GABPA: variants seen among roughly 807,000 people sequenced by gnomAD.
GABPA encodes the protein GA binding protein transcription factor subunit alpha.
Under a neutral mutation model 59.4 loss-of-function variants are expected in GABPA, and 4 were observed. The observed-to-expected ratio is 0.07, with a 90% CI of 0.03 to 0.15. The LOEUF is 0.15. Ranked by LOEUF, GABPA falls within the 10% of genes least tolerant of loss-of-function variation. The probability of loss-of-function intolerance (pLI) is 1.00; values close to 1 mark genes in which losing one functional copy is unlikely to be tolerated. For synonymous variants in GABPA, 164 were observed against 183.1 expected, an observed-to-expected ratio of 0.90 and a Z score of 0.84; for missense variants, 251 against 543.8, an observed-to-expected ratio of 0.46 and a Z score of 5.36.
chr21:25,762,817 GCCAAGTTAAAATA>G, intron 7 of GABPA: 1 of 182,634 alleles, frequency 5.5e-6, no homozygotes, highest in Admixed American at 6.1e-5. Context: ...AAGAAAAAAG[GCCAAGTTAAAATA>G]GGAAAACAAA....
intron 9 of GABPA, 87 bp from the exon 10 acceptor site, chr21:25,768,917 A>G: frequency 1.2e-6 from 1 of 818,296 alleles, no homozygotes; most frequent in South Asian, 1.6e-5. Flanking sequence ...GTACTCTACT[A>G]GGCTTCTGCT....
intron 9 of GABPA, among the ~76,000 whole-genome samples, chr21:25,767,031 G>A (rs531767760): frequency 2.5e-4 from 38 of 152,044 alleles, no homozygotes; most frequent in Middle Eastern, 3.4e-3. Flanking sequence ...ACCAAATTCT[G>A]TATGATTACA....
At chr21:25,752,395 G>A in intron 5 of GABPA, 161 bp downstream of exon 5, 1 of 801,766 alleles carries the variant, frequency 1.2e-6, no homozygotes, top group Non-Finnish European at 1.9e-6. Context: ...TTAAGCTCAT[G>A]TGGTGGACAA....
chr21:25,756,352 T>C (rs777625734), intron 5 of GABPA, among the ~76,000 whole-genome samples: 40 of 152,220 alleles, frequency 2.6e-4, no homozygotes, highest in Admixed American at 2.6e-4. Context: ...TGTCGACTTT[T>C]ACCTGGGCCT....
At position 25,769,366 on chromosome 21, in the gene GABPA, T is replaced by C; in HGVS notation, c.*134T>C. 1.7e-6 allele frequency: 1 copy of C among 586,328 alleles called. No individual in the cohort carries two copies. The highest frequency in any genetic ancestry group is 3.1e-6 in the Non-Finnish European group (1 of 325,932). 36.3% of individuals were successfully genotyped at this position (586,328 alleles called of 1,614,324 possible). A position where few individuals can be genotyped will look rare whatever the true frequency, so the allele number is the denominator to read the frequency against. ...GTCTGATGCATGATTTTTTTATAAA[T>C]ATTTCATACTCTTGTGAATTTGGAT... On this transcript the variant is annotated 3_prime_UTR_variant, in exon 10 of 10. Coordinates refer to ENST00000400075, the MANE Select transcript of GABPA (RefSeq NM_002040.4).
chr21:25,763,278 C>T lies in GABPA; in HGVS notation c.802+913C>T, dbSNP rs898700811. ...TGCTGAGCTCTTTTGGGGCATTTTT[C>T]CCCCCTTTTCAGCATGCATCTTTCT... On this transcript the variant is annotated intron_variant, in intron 7 of 9. Coordinates refer to ENST00000400075, the MANE Select transcript of GABPA (RefSeq NM_002040.4). The T allele has an allele frequency of 1.7e-5, 6 of 362,592 alleles. No individual in the cohort carries two copies. The East Asian group carries it at 2.9e-4, about 17-fold the overall frequency. The allele number at this position is 362,592 out of a possible 1,614,324, so 22.5% of individuals were successfully genotyped here.
chr21:25,745,484 T>G, intron 3 of GABPA, 130 bp downstream of exon 3: 1 of 761,780 alleles, frequency 1.3e-6, no homozygotes, highest in Non-Finnish European at 2.0e-6. Context: ...CTGTAAAATT[T>G]AAGTGTTTAG....
chr21:25,738,226 C>T (rs2035130947), intron 1 of GABPA, among the ~76,000 whole-genome samples: 1 of 152,188 alleles, frequency 6.6e-6, no homozygotes, highest in Non-Finnish European at 1.5e-5. Flanking sequence ...CCGCCGCCGC[C>T]CCCTGCCCCC....
intron 6 of GABPA, among the ~76,000 whole-genome samples, chr21:25,761,678 A>G (rs1158771314): frequency 6.6e-6 from 1 of 152,222 alleles, no homozygotes; most frequent in East Asian, 1.9e-4. Flanking sequence ...AAAGAATAAC[A>G]TCTAAGTAGG....
intron 5 of GABPA, 133 bp from the exon 6 acceptor site, chr21:25,757,877 C>G: frequency 4.6e-5 from 7 of 150,702 alleles, no homozygotes; most frequent in South Asian, 2.7e-4. Context: ...TTTTTTGCTT[C>G]ATATAGTAAG....
chr21:25,740,524 A>G lies in GABPA; in HGVS notation c.-26-1049A>G, dbSNP rs71649664. Among the ~76,000 whole-genome samples the G allele has an allele frequency of 8.7e-3, 1,328 of 152,342 alleles. 22 individuals are homozygous for G. The highest frequency in any genetic ancestry group is 0.031 in the African/African-American group (1,269 of 41,576). On this transcript the variant is annotated intron_variant, in intron 1 of 9. Coordinates refer to ENST00000400075, the MANE Select transcript of GABPA (RefSeq NM_002040.4). ...CAGAACCTGGTACTTAACAGTATTA[A>G]CACCTCAGACATGTCCACAAAGAAA...
intron 1 of GABPA, among the ~76,000 whole-genome samples, chr21:25,739,769 C>T (rs773924688): frequency 2.6e-5 from 4 of 152,194 alleles, no homozygotes; most frequent in Non-Finnish European, 5.9e-5. Flanking sequence ...TGCACACCAC[C>T]ATGCCTGGCT....
At chr21:25,746,071 G>C (rs373018304) in intron 3 of GABPA, among the ~76,000 whole-genome samples, 1 of 151,364 alleles carries the variant, frequency 6.6e-6, no homozygotes, top group Non-Finnish European at 1.5e-5. Flanking sequence ...TAGTGCAGTC[G>C]TGTAGTTTCG....
chr21:25,764,845 T>C, intron 9 of GABPA, 58 bp downstream of exon 9: 2 of 1,282,612 alleles, frequency 1.6e-6, no homozygotes, highest in East Asian at 5.3e-5. Flanking sequence ...TAAAAAATAG[T>C]TTCTTATTCT....
At chr21:25,762,531 CAT>C (rs528854406) in intron 7 of GABPA, among the ~76,000 whole-genome samples, 166 bp downstream of exon 7, 173 of 152,274 alleles carry the variant, frequency 1.1e-3, no homozygotes, top group African/African-American at 3.9e-3. Context: ...AAGATCCACT[CAT>C]GTGTTTTTAA....
At chr21:25,750,245 A>T (rs1320986850) in intron 4 of GABPA, among the ~76,000 whole-genome samples, 1 of 152,196 alleles carries the variant, frequency 6.6e-6, no homozygotes, top group Non-Finnish European at 1.5e-5. Context: ...TCAGGCGGTA[A>T]TGTGAGTGAA....
chr21:25,751,174 A>G (rs184216547), intron 4 of GABPA, among the ~76,000 whole-genome samples: 1 of 152,186 alleles, frequency 6.6e-6, no homozygotes, highest in African/African-American at 2.4e-5. Flanking sequence ...AGTATATCTT[A>G]TAGAGAGTAC....
At chr21:25,764,476 G>A in intron 8 of GABPA, 119 bp from the exon 9 acceptor site, 1 of 1,434,208 alleles carries the variant, frequency 7.0e-7, no homozygotes, top group Non-Finnish European at 9.5e-7. Flanking sequence ...AGCATTTCTA[G>A]AAAAACAAAA....
At chr21:25,735,929 C>T (rs1274267629) in intron 1 of GABPA, among the ~76,000 whole-genome samples, 3 of 152,248 alleles carry the variant, frequency 2.0e-5, no homozygotes, top group East Asian at 1.9e-4. Flanking sequence ...GCCTGCTCAG[C>T]TGGGATGTGG....
Sources: allele counts gnomAD v4.1 joint callset (sites outside exome capture counted in the v4.1 genomes callset), GRCh38; gene constraint gnomAD v4.1.1; transcripts MANE v1.5; gene names NCBI Gene and HGNC (gene_info 2026-07-23, HGNC 2026-07-21).